TRPM3: variants seen among roughly 807,000 people sequenced by gnomAD.
TRPM3 encodes the protein transient receptor potential cation channel subfamily M member 3.
Under a neutral mutation model 181.2 loss-of-function variants are expected in TRPM3, and 77 were observed. That is an observed-to-expected ratio of 0.42 (90% CI 0.35 to 0.51). The LOEUF (loss-of-function observed/expected upper bound fraction) is 0.51. TRPM3 is among the 20% of genes least tolerant of loss of function. The probability of loss-of-function intolerance (pLI) is 0.01; values close to 1 mark genes in which losing one functional copy is unlikely to be tolerated. For missense variants in TRPM3, 1,759 were observed against 2,196.7 expected, an observed-to-expected ratio of 0.80 and a Z score of 3.98; for synonymous variants, 745 against 796.4, an observed-to-expected ratio of 0.94 and a Z score of 1.09.
chr9:71,426,654 T>C (rs1353584468), intron 1 of TRPM3, among the ~76,000 whole-genome samples: 1 of 152,168 alleles, frequency 6.6e-6, no homozygotes, highest in Non-Finnish European at 1.5e-5. Flanking sequence ...CTTGCATATT[T>C]ATTTTCCACT....
At chr9:71,024,009 G>A (rs2097868790) in intron 1 of TRPM3, among the ~76,000 whole-genome samples, 1 of 152,152 alleles carries the variant, frequency 6.6e-6, no homozygotes, top group South Asian at 2.1e-4. Context: ...TGGGAAATAT[G>A]AATGAGAGTG....
chr9:71,063,571 G>T (rs1271463020), intron 1 of TRPM3, among the ~76,000 whole-genome samples: 1 of 152,078 alleles, frequency 6.6e-6, no homozygotes, highest in Non-Finnish European at 1.5e-5. Context: ...TGAAAGATGA[G>T]GATTGGAGGG....
intron 1 of TRPM3, among the ~76,000 whole-genome samples, chr9:70,879,870 A>G (rs1236264820): frequency 1.3e-5 from 2 of 152,132 alleles, no homozygotes; most frequent in African/African-American, 4.8e-5. Context: ...ACACTGAATC[A>G]CATGTGCAAT....
chr9:70,945,848 T>C (rs1246361600), intron 1 of TRPM3, among the ~76,000 whole-genome samples: 1 of 151,928 alleles, frequency 6.6e-6, no homozygotes, highest in African/African-American at 2.4e-5. Context: ...GAACTGGCTG[T>C]GGGGAGAGAA....
intron 9 of TRPM3, among the ~76,000 whole-genome samples, chr9:70,654,558 A>G (rs1215836004): frequency 6.6e-6 from 1 of 152,146 alleles, no homozygotes; most frequent in African/African-American, 2.4e-5. Context: ...TGAGCAGCAC[A>G]CATCGATCCA....
At chr9:70,648,615 C>G (rs1318840647) in intron 9 of TRPM3, among the ~76,000 whole-genome samples, 1 of 148,796 alleles carries the variant, frequency 6.7e-6, no homozygotes, top group Non-Finnish European at 1.5e-5. Context: ...AATAACAAAA[C>G]CAGCATCATA....
chr9:70,684,668 A>G (rs2066318139), intron 8 of TRPM3, among the ~76,000 whole-genome samples: 2 of 152,350 alleles, frequency 1.3e-5, no homozygotes, highest in African/African-American at 4.8e-5. Context: ...TGGAAAAAAC[A>G]GGTATTCTTA....
At chr9:70,782,221 T>C (rs1452242129) in intron 7 of TRPM3, among the ~76,000 whole-genome samples, 1 of 152,038 alleles carries the variant, frequency 6.6e-6, no homozygotes, top group Non-Finnish European at 1.5e-5. Flanking sequence ...TTTTTTTTTT[T>C]TAAGACAGAG....
At chr9:71,182,156 G>A (rs1053139500) in intron 1 of TRPM3, among the ~76,000 whole-genome samples, 1 of 152,010 alleles carries the variant, frequency 6.6e-6, no homozygotes, top group Non-Finnish European at 1.5e-5. Flanking sequence ...AATATATGAT[G>A]CATTTTTTTT....
chr9:71,011,843 G>A (rs903227638), intron 1 of TRPM3, among the ~76,000 whole-genome samples: 1 of 139,340 alleles, frequency 7.2e-6, no homozygotes, highest in Non-Finnish European at 1.5e-5. Context: ...GTGCAGTGAT[G>A]TGATAGTGGC....
intron 1 of TRPM3, among the ~76,000 whole-genome samples, chr9:70,893,722 G>T (rs901187872): frequency 3.3e-5 from 5 of 152,104 alleles, no homozygotes; most frequent in Admixed American, 1.3e-4. Context: ...AACACGTGGC[G>T]AGATTAAAGG....
chr9:71,416,942 G>T (rs183917173), intron 1 of TRPM3, among the ~76,000 whole-genome samples: 27 of 151,974 alleles, frequency 1.8e-4, no homozygotes, highest in African/African-American at 6.0e-4. Flanking sequence ...ACTATTCTGT[G>T]TCTGGTTTCT....
intron 1 of TRPM3, among the ~76,000 whole-genome samples, chr9:71,316,267 C>T (rs1212067215): frequency 6.6e-6 from 1 of 152,238 alleles, no homozygotes; most frequent in Non-Finnish European, 1.5e-5. Context: ...GAAGACCATA[C>T]CAACAGACAC....
intron 1 of TRPM3, among the ~76,000 whole-genome samples, chr9:71,092,827 T>C (rs557035664): frequency 3.8e-4 from 58 of 152,254 alleles, no homozygotes; most frequent in African/African-American, 1.3e-3. Flanking sequence ...CCTCCCATCA[T>C]GCTACCTAAC....
At chr9:71,142,434 T>C (rs776972022) in intron 1 of TRPM3, among the ~76,000 whole-genome samples, 2 of 152,004 alleles carry the variant, frequency 1.3e-5, no homozygotes, top group African/African-American at 4.8e-5. Flanking sequence ...AAACAGACAA[T>C]AGAGAGGTTT....
chr9:71,424,708 G>C (rs2093833183), intron 1 of TRPM3, among the ~76,000 whole-genome samples: 1 of 151,966 alleles, frequency 6.6e-6, no homozygotes, highest in Non-Finnish European at 1.5e-5. Flanking sequence ...TCTCCCTGTA[G>C]ATGGTATCAT....
In TRPM3 at chr9:70,533,237, G is replaced by T. The variant is rs1351408850; in HGVS notation, c.*2716C>A. On this transcript the variant is annotated 3_prime_UTR_variant, in exon 26 of 26. Transcript: ENST00000677713. Reference sequence around the variant, plus strand: ...TGGCCCAGAATGAGGCCTTGGAGGTGTTTGATGTCAATGAATAATGTTTTC... The same window carrying T: ...TGGCCCAGAATGAGGCCTTGGAGGTTTTTGATGTCAATGAATAATGTTTTC... 6.6e-6 allele frequency: 1 copy of T among 152,172 alleles called. No individual in the cohort carries two copies. Among genetic ancestry groups the T allele is most frequent in the Admixed American group, 6.5e-5 (1 of 15,274 alleles). 9.4% of individuals were successfully genotyped at this position (152,172 alleles called of 1,614,324 possible).
rs1004216521 is a variant in TRPM3 at position 70,745,466 on chromosome 9, T to C, written c.1272+16135A>G. On this transcript the variant is annotated intron_variant, in intron 8 of 25. Transcript: ENST00000677713. ...TCCTCTTTATCTTCTTTCCACTATT[T>C]TATTTAAAATGTTTGGACTTGAATT... Among the ~76,000 whole-genome samples the C allele has an allele frequency of 5.3e-5, 8 of 152,288 alleles. No homozygotes were observed. In the East Asian group the frequency reaches 1.5e-3, roughly 29 times the overall value.
rs1332189475 is a variant in TRPM3 at position 71,352,212 on chromosome 9, C to A, written c.183+94441G>T. 3.3e-5 allele frequency among the ~76,000 whole-genome samples: 5 copies of A among 152,198 alleles called. No homozygotes were observed. In the East Asian group the frequency reaches 7.7e-4, roughly 24 times the overall value. The stretch of plus-strand genomic sequence containing the variant: ...ATCTTTTAAGTGAATAGTGTATATA[C>A]AAATGTTCATTATGTTATTTGTTTT... On this transcript the variant is annotated intron_variant, in intron 1 of 24. Coordinates refer to the TRPM3 transcript ENST00000357533.
Sources: allele counts gnomAD v4.1 joint callset (sites outside exome capture counted in the v4.1 genomes callset), GRCh38; gene constraint gnomAD v4.1.1; transcripts MANE v1.5; gene names NCBI Gene and HGNC (gene_info 2026-07-23, HGNC 2026-07-21).